RTN3: variants seen among roughly 807,000 people sequenced by gnomAD.
RTN3 encodes the protein reticulon 3.
Under a neutral mutation model 77.8 loss-of-function variants are expected in RTN3, and 49 were observed. That is an observed-to-expected ratio of 0.63 (90% CI 0.50 to 0.80). The LOEUF (loss-of-function observed/expected upper bound fraction) is 0.80. Among genes scored for constraint, RTN3 ranks in the 30% least tolerant of loss-of-function variants. RTN3 has a pLI of 0.00. For missense variants in RTN3, 1,236 were observed against 1,211.9 expected (o/e 1.02, Z -0.29); for synonymous variants, 464 against 446.9 (o/e 1.04, Z -0.48).
At chr11:63,710,605 T>C (rs983970518) in intron 2 of RTN3, among the ~76,000 whole-genome samples, 1 of 152,194 alleles carries the variant, frequency 6.6e-6, no homozygotes, top group African/African-American at 2.4e-5. Context: ...AGCCCATCTA[T>C]GTGAGGAGAA....
intron 1 of RTN3, among the ~76,000 whole-genome samples, chr11:63,696,862 T>C (rs1941972249): frequency 1.7e-5 from 1 of 59,332 alleles, no homozygotes; most frequent in Non-Finnish European, 3.2e-5. Context: ...TGCTATTTTC[T>C]TTCTTTCTTT....
intron 3 of RTN3, among the ~76,000 whole-genome samples, chr11:63,733,751 G>A (rs115680232): frequency 2.0e-5 from 3 of 150,716 alleles, no homozygotes; most frequent in East Asian, 2.0e-4. Flanking sequence ...GCGTGGTGGC[G>A]GTGGTGGTGT....
At chr11:63,693,801 A>G (rs1941790872) in intron 1 of RTN3, among the ~76,000 whole-genome samples, 1 of 152,100 alleles carries the variant, frequency 6.6e-6, no homozygotes, top group Admixed American at 6.6e-5. Flanking sequence ...TTTCATAACC[A>G]CTTGAATGCC....
intron 3 of RTN3, among the ~76,000 whole-genome samples, chr11:63,748,407 G>T (rs753225665): frequency 2.0e-5 from 3 of 150,134 alleles, no homozygotes; most frequent in Non-Finnish European, 4.4e-5. Context: ...GAGTGCAGTG[G>T]CACGATGTTG....
Position 63,719,113 on chromosome 11 carries a change from G to A in RTN3, c.611G>A (p.Arg204Lys). The A allele has an allele frequency of 6.2e-7, 1 of 1,614,190 alleles. No individual in the cohort carries two copies. The highest frequency in any genetic ancestry group is 8.5e-7 in the Non-Finnish European group (1 of 1,180,032). The change falls in exon 3 of 9, where the codon AGA becomes AAA. Residue 204 changes from arginine (R) to lysine (K), a missense_variant. By Grantham distance (26) the Arg-to-Lys change is conservative. This residue lies in a region of RTN3 where 1,056 missense variants were observed against 990.4 expected (regional missense o/e 1.07). Transcript: ENST00000377819. Reference protein sequence around the residue: ...EAKTALDADDRFTLLTAQKPP... With the variant: ...EAKTALDADDKFTLLTAQKPP... ...AAAACTGCATTGGATGCTGATGACA[G>A]ATTCACTTTGCTGACAGCCCAGAAA...
chr11:63,744,300 A>G (rs989422884), intron 3 of RTN3, among the ~76,000 whole-genome samples: 2 of 152,034 alleles, frequency 1.3e-5, no homozygotes, highest in Non-Finnish European at 2.9e-5. Context: ...ACATTAAAAA[A>G]TAAATAATTT....
At chr11:63,692,115 C>T (rs1451195322) in intron 1 of RTN3, among the ~76,000 whole-genome samples, 1 of 152,090 alleles carries the variant, frequency 6.6e-6, no homozygotes, top group African/African-American at 2.4e-5. Context: ...CTCTGCCTCC[C>T]AGGTTCAAGC....
intron 3 of RTN3, among the ~76,000 whole-genome samples, chr11:63,733,503 T>G (rs939127389): frequency 1.3e-5 from 2 of 149,454 alleles, no homozygotes; most frequent in African/African-American, 2.5e-5. Flanking sequence ...AAAAAAAGAT[T>G]GGATAATCAA....
intron 3 of RTN3, among the ~76,000 whole-genome samples, chr11:63,743,788 C>T (rs376236262): frequency 1.3e-5 from 2 of 151,718 alleles, no homozygotes; most frequent in African/African-American, 4.8e-5. Context: ...TGGTGGTGCG[C>T]GCTTGTAATC....
chr11:63,736,994 G>A (rs561681429), intron 3 of RTN3, among the ~76,000 whole-genome samples: 1 of 137,582 alleles, frequency 7.3e-6, no homozygotes, highest in East Asian at 2.1e-4. Context: ...TTTTTTCCCT[G>A]TGATAGGGTC....
At chr11:63,753,568 T>C (rs968004830) in intron 6 of RTN3, 94 bp from the exon 7 acceptor site, 2 of 1,158,054 alleles carry the variant, frequency 1.7e-6, no homozygotes, top group African/African-American at 3.0e-5. Flanking sequence ...TGTTTTCCTG[T>C]ATTTTTTGAG....
At chr11:63,694,600 G>A (rs973645793) in intron 1 of RTN3, among the ~76,000 whole-genome samples, 20 of 151,870 alleles carry the variant, frequency 1.3e-4, no homozygotes, top group Non-Finnish European at 2.6e-4. Context: ...AGCCTCCGGA[G>A]TAGCTAGGAC....
chr11:63,755,359 T>A (rs1446596028), intron 7 of RTN3, among the ~76,000 whole-genome samples: 1 of 152,080 alleles, frequency 6.6e-6, no homozygotes, highest in African/African-American at 2.4e-5. Flanking sequence ...TAAAAATACT[T>A]TTAAGGCTAG....
At chr11:63,701,461 C>T (rs1179107621) in intron 1 of RTN3, among the ~76,000 whole-genome samples, 1 of 152,004 alleles carries the variant, frequency 6.6e-6, no homozygotes, top group African/African-American at 2.4e-5. Flanking sequence ...TATAATGAAA[C>T]TCAGGGTATG....
At chr11:63,743,685 C>T (rs374580829) in intron 3 of RTN3, among the ~76,000 whole-genome samples, 2 of 152,064 alleles carry the variant, frequency 1.3e-5, no homozygotes, top group South Asian at 2.1e-4. Context: ...GAGGCTGAGG[C>T]GGGCGGATCA....
intron 1 of RTN3, among the ~76,000 whole-genome samples, chr11:63,682,057 C>T (rs1348522369): frequency 6.6e-6 from 1 of 152,192 alleles, no homozygotes; most frequent in African/African-American, 2.4e-5. Context: ...GGAAAAATAC[C>T]AGCTCGTGGG....
intron 1 of RTN3, among the ~76,000 whole-genome samples, chr11:63,700,747 T>C (rs1259323472): frequency 3.3e-5 from 5 of 151,908 alleles, no homozygotes; most frequent in South Asian, 2.1e-4. Flanking sequence ...AAGGATTAAT[T>C]GAAATGTTAT....
At chr11:63,724,822 A>G (rs75742400) in intron 3 of RTN3, among the ~76,000 whole-genome samples, 1 of 152,064 alleles carries the variant, frequency 6.6e-6, no homozygotes, top group East Asian at 1.9e-4. Context: ...ATGTGCAAAA[A>G]TAACTACACA....
chr11:63,737,206 GA>G (rs1419933842), intron 3 of RTN3, among the ~76,000 whole-genome samples: 1 of 152,108 alleles, frequency 6.6e-6, no homozygotes, highest in Non-Finnish European at 1.5e-5. Context: ...TTAGATCTCT[GA>G]ACATAAAAAC....
Sources: allele counts gnomAD v4.1 joint callset (sites outside exome capture counted in the v4.1 genomes callset), GRCh38; gene constraint gnomAD v4.1.1; regional missense constraint gnomAD v4.1.1; transcripts MANE v1.5; gene names NCBI Gene and HGNC (gene_info 2026-07-23, HGNC 2026-07-21).